Variants in COL21A1 observed in about 807,000 individuals in gnomAD.
COL21A1 encodes the protein collagen alpha-1(XXI) chain.
Under a neutral mutation model 137.9 loss-of-function variants are expected in COL21A1, and 149 were observed. The ratio of observed to expected loss-of-function variants is 1.08; its 90% CI spans 0.95 to 1.24. The LOEUF is 1.24. Among genes scored for constraint, COL21A1 ranks in the 50% most tolerant of loss-of-function variants. The pLI is 0.00. For missense variants in COL21A1, 1,167 were observed against 1,158.4 expected, an observed-to-expected ratio of 1.01 and a Z score of -0.11; for synonymous variants, 456 against 391.5, an observed-to-expected ratio of 1.16 and a Z score of -1.95.
chr6:56,333,031 T>C (rs574379287), intron 1 of COL21A1, among the ~76,000 whole-genome samples: 6 of 152,228 alleles, frequency 3.9e-5, no homozygotes, highest in Admixed American at 3.9e-4. Flanking sequence ...ACCTTTTCTC[T>C]TTTTATCCTG....
chr6:56,099,013 C>T (rs73461307), intron 17 of COL21A1, among the ~76,000 whole-genome samples: 3,034 of 150,822 alleles, frequency 0.02, 107 homozygotes, highest in African/African-American at 0.07. Flanking sequence ...CTGCACCCGG[C>T]CTATGTTTAA....
chr6:56,384,056 A>C (rs1027229791), intron 1 of COL21A1, among the ~76,000 whole-genome samples: 2 of 152,104 alleles, frequency 1.3e-5, no homozygotes, highest in Admixed American at 1.3e-4. Flanking sequence ...TGGTGCATCC[A>C]TCCCTCCAAA....
intron 23 of COL21A1, among the ~76,000 whole-genome samples, chr6:56,065,230 C>T (rs774563926): frequency 3.3e-5 from 5 of 151,878 alleles, no homozygotes; most frequent in Admixed American, 6.6e-5. Context: ...ATATTTATTG[C>T]GCAAAATAAT....
intron 16 of COL21A1, among the ~76,000 whole-genome samples, chr6:56,103,842 C>T (rs1770654855): frequency 6.6e-6 from 1 of 152,228 alleles, no homozygotes; most frequent in African/African-American, 2.4e-5. Flanking sequence ...ACCCAGAGTT[C>T]CTGATATGGT....
chr6:56,303,639 C>A (rs4712124), intron 1 of COL21A1, among the ~76,000 whole-genome samples: 10 of 152,214 alleles, frequency 6.6e-5, no homozygotes, highest in South Asian at 6.2e-4. Flanking sequence ...GGGCTGAGAC[C>A]ACGGGGTTTT....
At chr6:56,094,397 A>T (rs1466868096) in intron 17 of COL21A1, among the ~76,000 whole-genome samples, 1 of 152,124 alleles carries the variant, frequency 6.6e-6, no homozygotes, top group Non-Finnish European at 1.5e-5. Context: ...GATGCTATAC[A>T]TATTTTCTAA....
At chr6:56,177,791 CAAAAAAAAAA>C (rs3065941) in intron 3 of COL21A1, among the ~76,000 whole-genome samples, 3 of 69,380 alleles carry the variant, frequency 4.3e-5, no homozygotes, top group African/African-American at 1.2e-4. Flanking sequence ...GACTCTGCCT[CAAAAAAAAAA>C]AAAAAAAAAA....
At chr6:56,312,133 C>T (rs566515911) in intron 1 of COL21A1, among the ~76,000 whole-genome samples, 17 of 152,272 alleles carry the variant, frequency 1.1e-4, no homozygotes, top group African/African-American at 2.6e-4. Context: ...GGACCATATG[C>T]GCCTTGTTTT....
chr6:56,277,950 T>C (rs1582751720), intron 1 of COL21A1, among the ~76,000 whole-genome samples: 2 of 152,248 alleles, frequency 1.3e-5, no homozygotes, highest in East Asian at 3.8e-4. Context: ...TATGTTTTTA[T>C]ATAATTTTGG....
chr6:56,306,736 A>G (rs1764469602), intron 1 of COL21A1, among the ~76,000 whole-genome samples: 1 of 150,184 alleles, frequency 6.7e-6, no homozygotes. Flanking sequence ...CAACTCGTCA[A>G]AGTCATTCTC....
chr6:56,180,269 C>A, intron 2 of COL21A1, 140 bp from the exon 3 acceptor site: 3 of 722,562 alleles, frequency 4.2e-6, no homozygotes, highest in Non-Finnish European at 2.2e-6. Context: ...TAGCTTAATG[C>A]TAACGTGAAA....
At chr6:56,188,043 C>T (rs965984148) in intron 1 of COL21A1, among the ~76,000 whole-genome samples, 7 of 152,174 alleles carry the variant, frequency 4.6e-5, no homozygotes, top group African/African-American at 1.7e-4. Context: ...ATATAGTACT[C>T]ATCATCACTA....
At chr6:56,174,518 C>G (rs1561947458) in intron 3 of COL21A1, among the ~76,000 whole-genome samples, 1 of 151,866 alleles carries the variant, frequency 6.6e-6, no homozygotes, top group Non-Finnish European at 1.5e-5. Context: ...TTTTAAGTGA[C>G]CACTATGAAC....
chr6:56,168,114 A>C lies in COL21A1; in HGVS notation c.1200+10T>G. 1 of 1,469,226 alleles carries C rather than the reference A, an allele frequency of 6.8e-7. No individual in the cohort carries two copies. The highest frequency in any genetic ancestry group is 1.4e-5 in the South Asian group (1 of 70,468). 91.0% of individuals were successfully genotyped at this position (1,469,226 alleles called of 1,614,324 possible). A position where few individuals can be genotyped will look rare whatever the true frequency, so the allele number is the denominator to read the frequency against. ...TATATAATTCAAAGAGTAAATCATT[A>C]TTTATCTACCTGAACAGTTTCTTCT... On this transcript the variant is annotated intron_variant, in intron 6 of 29. Transcript: ENST00000244728.
Position 56,151,164 on chromosome 6 carries a change from T to G in COL21A1, c.1434+5723A>C, listed in dbSNP as rs184657562. On this transcript the variant is annotated intron_variant, in intron 10 of 29. Coordinates refer to ENST00000244728, the MANE Select transcript of COL21A1 (RefSeq NM_030820.4). ...TGGCATGAACCCAGGAGGCGGAGCT[T>G]GCAGTGAGCCGAGATCGCTCGGCTG... 1.7e-3 allele frequency among the ~76,000 whole-genome samples: 253 copies of G among 152,228 alleles called. 3 individuals are homozygous for G. In the East Asian group the frequency reaches 0.025, roughly 15 times the overall value.
chr6:56,328,821 ACT>A (rs1765158641), intron 1 of COL21A1, among the ~76,000 whole-genome samples: 1 of 152,086 alleles, frequency 6.6e-6, no homozygotes, highest in Non-Finnish European at 1.5e-5. Flanking sequence ...TAACTGGCAA[ACT>A]CTGCTAATCA....
chr6:56,323,881 C>T (rs761344640), intron 1 of COL21A1, among the ~76,000 whole-genome samples: 31 of 152,022 alleles, frequency 2.0e-4, no homozygotes, highest in Non-Finnish European at 2.4e-4. Flanking sequence ...CTTTCTAAAA[C>T]TATATAAGGA....
chr6:56,242,359 A>G (rs1782378288), intron 1 of COL21A1, among the ~76,000 whole-genome samples: 1 of 152,330 alleles, frequency 6.6e-6, no homozygotes, highest in Non-Finnish European at 1.5e-5. Flanking sequence ...TTTTTAAAAG[A>G]ACTTTCTAAA....
At chr6:56,075,137 GT>G (rs1342816506) in intron 19 of COL21A1, among the ~76,000 whole-genome samples, 1 of 151,234 alleles carries the variant, frequency 6.6e-6, no homozygotes, top group East Asian at 1.9e-4. Context: ...TAATATGTTT[GT>G]AAATTTAATT....
Sources: allele counts gnomAD v4.1 joint callset (sites outside exome capture counted in the v4.1 genomes callset), GRCh38; gene constraint gnomAD v4.1.1; transcripts MANE v1.5; gene names NCBI Gene and HGNC (gene_info 2026-07-23, HGNC 2026-07-21).